SOX5: variants seen among roughly 807,000 people sequenced by gnomAD.
SOX5 encodes the protein SRY-box transcription factor 5, also known as transcription factor SOX-5.
Under a neutral mutation model 92.0 loss-of-function variants are expected in SOX5, and 9 were observed. That is an observed-to-expected ratio of 0.10 (90% CI 0.06 to 0.17). SOX5 has a LOEUF of 0.17. Among genes scored for constraint, SOX5 ranks in the 10% least tolerant of loss-of-function variants. The pLI is 1.00. For missense variants in SOX5, 642 were observed against 944.5 expected, an observed-to-expected ratio of 0.68 and a Z score of 4.20; for synonymous variants, 344 against 336.3, an observed-to-expected ratio of 1.02 and a Z score of -0.25.
At chr12:24,062,210 CCT>C (rs1939863322) in intron 4 of SOX5, among the ~76,000 whole-genome samples, 1 of 152,126 alleles carries the variant, frequency 6.6e-6, no homozygotes, top group Non-Finnish European at 1.5e-5. Context: ...AGAAAAGTCT[CCT>C]CTCACTTCAA....
chr12:24,003,354 A>G (rs1260697987), intron 4 of SOX5, among the ~76,000 whole-genome samples: 1 of 152,034 alleles, frequency 6.6e-6, no homozygotes, highest in African/African-American at 2.4e-5. Flanking sequence ...CTTACTGGAA[A>G]GTAAGATGTA....
chr12:24,548,028 T>C (rs1952810320), intron 1 of SOX5, among the ~76,000 whole-genome samples: 1 of 152,232 alleles, frequency 6.6e-6, no homozygotes, highest in African/African-American at 2.4e-5. Flanking sequence ...ATTCATTATG[T>C]GCCGGAGATT....
At chr12:24,080,402 C>T (rs1943181775) in intron 4 of SOX5, among the ~76,000 whole-genome samples, 1 of 152,000 alleles carries the variant, frequency 6.6e-6, no homozygotes, top group Non-Finnish European at 1.5e-5. Context: ...AATGTTATCT[C>T]CTACAATGAT....
At chr12:23,947,385 A>G (rs1944759234) in intron 1 of SOX5, among the ~76,000 whole-genome samples, 1 of 151,954 alleles carries the variant, frequency 6.6e-6, no homozygotes, top group East Asian at 1.9e-4. Flanking sequence ...TAGTTTAGTT[A>G]CATCATAAAT....
chr12:23,554,427 T>G (rs1225295585), intron 11 of SOX5, among the ~76,000 whole-genome samples: 5 of 152,140 alleles, frequency 3.3e-5, no homozygotes, highest in African/African-American at 7.2e-5. Flanking sequence ...GAACAGGAAC[T>G]GCGTTACTTT....
At chr12:23,928,035 A>G (rs142404206) in intron 1 of SOX5, among the ~76,000 whole-genome samples, 311 of 152,166 alleles carry the variant, frequency 2.0e-3, no homozygotes, top group Admixed American at 4.4e-3. Flanking sequence ...AACCAGGGCG[A>G]TTAACAGTCA....
chr12:23,948,926 C>A (rs1945067863), intron 1 of SOX5, among the ~76,000 whole-genome samples: 1 of 152,058 alleles, frequency 6.6e-6, no homozygotes, highest in Non-Finnish European at 1.5e-5. Flanking sequence ...CAAAAAGTGG[C>A]CACTAAAACT....
intron 4 of SOX5, among the ~76,000 whole-genome samples, chr12:23,956,713 T>C (rs1312741515): frequency 4.0e-5 from 6 of 151,674 alleles, no homozygotes; most frequent in African/African-American, 1.5e-4. Flanking sequence ...GGGGACAGAG[T>C]CTCACTTTGT....
chr12:23,743,642 T>C (rs905149067), intron 4 of SOX5, among the ~76,000 whole-genome samples: 1 of 152,132 alleles, frequency 6.6e-6, no homozygotes, highest in Non-Finnish European at 1.5e-5. Context: ...ACTTCCACAC[T>C]CAGAAAAAAC....
chr12:23,960,521 A>ATT (rs1319747180), intron 4 of SOX5, among the ~76,000 whole-genome samples: 54 of 71,218 alleles, frequency 7.6e-4, no homozygotes, highest in South Asian at 1.9e-3. Context: ...ATACATATAT[A>ATT]TATATATACA....
At chr12:23,563,916 C>T (rs960971278) in intron 10 of SOX5, among the ~76,000 whole-genome samples, 54 of 152,172 alleles carry the variant, frequency 3.5e-4, no homozygotes, top group African/African-American at 1.2e-3. Context: ...CATTATTTGA[C>T]GGAAGAGTAT....
chr12:24,515,942 C>T (rs1311293684), intron 1 of SOX5, among the ~76,000 whole-genome samples: 1 of 152,082 alleles, frequency 6.6e-6, no homozygotes, highest in Admixed American at 6.6e-5. Flanking sequence ...CTTGCGTAGG[C>T]TTCCATTTCC....
intron 1 of SOX5, among the ~76,000 whole-genome samples, chr12:24,550,136 C>T (rs1953014256): frequency 6.6e-6 from 1 of 152,218 alleles, no homozygotes; most frequent in South Asian, 2.1e-4. Flanking sequence ...AATGGGACAG[C>T]ATCTGTAACT....
At chr12:23,855,275 A>T (rs2096674436) in intron 2 of SOX5, among the ~76,000 whole-genome samples, 1 of 151,952 alleles carries the variant, frequency 6.6e-6, no homozygotes, top group African/African-American at 2.4e-5. Flanking sequence ...CCTAATACAA[A>T]CTTTTCTTTT....
intron 3 of SOX5, among the ~76,000 whole-genome samples, chr12:24,261,715 G>T (rs1942121223): frequency 6.6e-6 from 1 of 152,164 alleles, no homozygotes; most frequent in South Asian, 2.1e-4. Flanking sequence ...GAACTACACG[G>T]TTTTTTCTGT....
chr12:24,277,456 G>T (rs1465217485), intron 2 of SOX5: 1 of 53,728 alleles, frequency 1.9e-5, no homozygotes, highest in African/African-American at 3.5e-5. Flanking sequence ...TTATATATAT[G>T]TAAATTTACA....
chr12:23,907,703 G>A (rs1353842150), intron 1 of SOX5, among the ~76,000 whole-genome samples: 1 of 151,640 alleles, frequency 6.6e-6, no homozygotes, highest in Non-Finnish European at 1.5e-5. Flanking sequence ...GGAGAAGATG[G>A]ATGTTCATTC....
At chr12:23,684,954 A>G (rs190576831) in intron 6 of SOX5, among the ~76,000 whole-genome samples, 7 of 152,278 alleles carry the variant, frequency 4.6e-5, no homozygotes, top group Admixed American at 4.6e-4. Flanking sequence ...GCATATTGCT[A>G]TAAAAATACT....
In SOX5 at chr12:23,912,415, C is replaced by T. The variant is rs140287385; in HGVS notation, c.39-16391G>A. Among the ~76,000 whole-genome samples the T allele has an allele frequency of 3.9e-5, 6 of 152,250 alleles. No homozygotes were observed. The East Asian group carries it at 9.6e-4, about 24-fold the overall frequency. ...GATTGCTGTTAGGAATGTAAAATAG[C>T]GCAGCCACTTTCAAAAACAGTTTGC... On this transcript the variant is annotated intron_variant, in intron 1 of 14. Transcript: ENST00000451604.
Sources: gnomAD v4.1 joint callset for allele counts (sites outside exome capture counted in the v4.1 genomes callset) on GRCh38, gnomAD v4.1.1 for gene constraint, MANE v1.5 for transcripts, NCBI Gene and HGNC (gene_info 2026-07-23, HGNC 2026-07-21) for gene names.